Variants in RIPOR2 observed in about 807,000 individuals in gnomAD.
The protein encoded by RIPOR2 is RHO family interacting cell polarization regulator 2.
Under a neutral mutation model 114.5 loss-of-function variants are expected in RIPOR2, and 39 were observed. That is an observed-to-expected ratio of 0.34 (90% CI 0.26 to 0.44). The LOEUF (loss-of-function observed/expected upper bound fraction) is 0.44. Ranked by LOEUF, RIPOR2 falls within the 20% of genes least tolerant of loss-of-function variation. The probability of loss-of-function intolerance (pLI) is 1.00; values close to 1 mark genes in which losing one functional copy is unlikely to be tolerated. For missense variants in RIPOR2, 1,007 were observed against 1,255.1 expected, an observed-to-expected ratio of 0.80 and a Z score of 2.99; for synonymous variants, 445 against 484.4, an observed-to-expected ratio of 0.92 and a Z score of 1.07.
At chr6:24,839,416 A>C (rs1761418160) in intron 13 of RIPOR2, 144 bp from the exon 14 acceptor site, 1 of 1,433,176 alleles carries the variant, frequency 7.0e-7, no homozygotes, top group Admixed American at 2.8e-5. Flanking sequence ...GCATTTAAAA[A>C]TCTTTATATC....
intron 1 of RIPOR2, among the ~76,000 whole-genome samples, chr6:24,895,453 T>TC (rs1248880362): frequency 4.7e-4 from 48 of 102,842 alleles, no homozygotes; most frequent in African/African-American, 3.1e-3. Context: ...AAAAAAAAAA[T>TC]CTTCTAGGGT....
chr6:24,939,245 T>C (rs1431057441), upstream of RIPOR2, among the ~76,000 whole-genome samples: 4 of 152,338 alleles, frequency 2.6e-5, no homozygotes, highest in South Asian at 2.1e-4. Flanking sequence ...CTATCTCTTA[T>C]CTATGTAAAG....
At chr6:24,937,410 G>A (rs2114167981), upstream of RIPOR2, among the ~76,000 whole-genome samples, 1 of 152,296 alleles carries the variant, frequency 6.6e-6, no homozygotes, top group Admixed American at 6.5e-5. Context: ...TGCCCACCTT[G>A]AGACACACTG....
chr6:24,913,327 A>G (rs1217202516), intron 1 of RIPOR2, among the ~76,000 whole-genome samples: 1 of 152,202 alleles, frequency 6.6e-6, no homozygotes, highest in Non-Finnish European at 1.5e-5. Flanking sequence ...AGTGGGCTGC[A>G]TCTCCCCTTG....
At chr6:25,001,691 T>C (rs1775329146) in intron 1 of RIPOR2, among the ~76,000 whole-genome samples, 1 of 146,854 alleles carries the variant, frequency 6.8e-6, no homozygotes, top group Non-Finnish European at 1.5e-5. Context: ...ACTTTCTTTT[T>C]CCTTTCTTTC....
chr6:24,960,393 C>A (rs1397078426), intron 1 of RIPOR2, among the ~76,000 whole-genome samples: 1 of 152,178 alleles, frequency 6.6e-6, no homozygotes, highest in African/African-American at 2.4e-5. Flanking sequence ...TTCTCTCCAG[C>A]CCTTTTATAA....
chr6:24,896,616 A>C (rs1767911856), intron 1 of RIPOR2, among the ~76,000 whole-genome samples: 1 of 152,208 alleles, frequency 6.6e-6, no homozygotes, highest in African/African-American at 2.4e-5. Context: ...CTTCCTATTA[A>C]AAAATAGGCT....
chr6:25,004,570 G>A (rs1001791665), intron 1 of RIPOR2, among the ~76,000 whole-genome samples: 2 of 152,184 alleles, frequency 1.3e-5, no homozygotes, highest in Admixed American at 1.3e-4. Context: ...ACAGTAGCCA[G>A]CATCAGGACT....
intron 14 of RIPOR2, among the ~76,000 whole-genome samples, chr6:24,838,760 CT>C (rs1761342086): frequency 6.6e-6 from 1 of 152,106 alleles, no homozygotes; most frequent in South Asian, 2.1e-4. Flanking sequence ...CACCACTGCA[CT>C]CCAGCCTGGG....
chr6:24,872,873 G>A lies in RIPOR2; in HGVS notation c.423+8C>T, dbSNP rs759738541. On this transcript the variant is annotated splice_region_variant and intron_variant, in intron 4 of 21. Coordinates refer to ENST00000643898, the MANE Select transcript of RIPOR2 (RefSeq NM_001286445.3). ...GTGTTAACATCATAATGACTGCATA[G>A]TACCTACCAGGCGAGAGTTTCTTTT... 1.3e-6 allele frequency: 2 copies of A among 1,584,238 alleles called. No individual in the cohort carries two copies. Among genetic ancestry groups the A allele is most frequent in the Non-Finnish European group, 8.7e-7 (1 of 1,154,586 alleles).
chr6:24,842,516 C>A (rs754084623), intron 13 of RIPOR2, among the ~76,000 whole-genome samples: 3 of 152,158 alleles, frequency 2.0e-5, no homozygotes, highest in Non-Finnish European at 2.9e-5. Context: ...CTTTCCCGAC[C>A]CCCTGAGAGG....
chr6:24,853,890 A>C (rs2113795497), intron 8 of RIPOR2, among the ~76,000 whole-genome samples: 1 of 152,222 alleles, frequency 6.6e-6, no homozygotes, highest in Middle Eastern at 3.4e-3. Flanking sequence ...CCAAGGCAGG[A>C]GGATGACTTG....
Position 24,964,207 on chromosome 6 carries a change from G to A in RIPOR2, c.76+77644C>T, listed in dbSNP as rs373883719. On this transcript the variant is annotated intron_variant, in intron 1 of 13. Transcript: ENST00000510784. ...TCTTTGCCATTTCACCAGATGCGTA[G>A]GTCCCTGTAACTACCATCACAATTG... Among the ~76,000 whole-genome samples, 13 of 148,590 alleles carry A rather than the reference G, an allele frequency of 8.7e-5. No homozygotes were observed. The South Asian group carries it at 2.3e-3, about 27-fold the overall frequency.
chr6:24,823,979 A>G (rs566275461), intron 19 of RIPOR2, among the ~76,000 whole-genome samples: 3 of 152,014 alleles, frequency 2.0e-5, no homozygotes, highest in Non-Finnish European at 4.4e-5. Context: ...CTGGTCTCAA[A>G]CTCCTGACCT....
At chr6:24,940,621 T>C (rs9467354), upstream of RIPOR2, among the ~76,000 whole-genome samples, 90,807 of 151,998 alleles carry the variant, frequency 0.6, 27,655 homozygotes, top group Middle Eastern at 0.67. Flanking sequence ...TAAAATGCCA[T>C]GTCTAAAGAG....
At chr6:24,922,351 T>C (rs1770557167) in intron 1 of RIPOR2, among the ~76,000 whole-genome samples, 2 of 152,182 alleles carry the variant, frequency 1.3e-5, no homozygotes, top group Non-Finnish European at 1.5e-5. Context: ...CATACGCTGT[T>C]ATAAAGGAAA....
intron 1 of RIPOR2, among the ~76,000 whole-genome samples, chr6:24,909,536 A>G (rs7759433): frequency 0.025 from 3,736 of 152,210 alleles, 150 homozygotes; most frequent in African/African-American, 0.081. Context: ...CTCTCAGAGC[A>G]AGACAGACCC....
chr6:24,963,547 A>C lies in RIPOR2; in HGVS notation c.76+78304T>G, dbSNP rs534309946. On this transcript the variant is annotated intron_variant, in intron 1 of 13. Transcript: ENST00000510784. ...TCATGAAATGGACACATATATGTAC[A>C]TAAGTACACATATATACATATACAC... Among the ~76,000 whole-genome samples, 59 of 152,376 alleles carry C rather than the reference A, an allele frequency of 3.9e-4. 1 individual carries two copies. Among genetic ancestry groups the C allele is most frequent in the Non-Finnish European group, 6.8e-4 (46 of 68,038 alleles).
At position 24,865,096 on chromosome 6, in the gene RIPOR2, T is replaced by C. The variant is rs35557721; in HGVS notation, c.651+205A>G. 0.11 allele frequency among the ~76,000 whole-genome samples: 17,229 copies of C among 152,252 alleles called. 1,152 individuals are homozygous for C. Among genetic ancestry groups the C allele is most frequent in the Non-Finnish European group, 0.15 (10,232 of 68,004 alleles). On this transcript the variant is annotated intron_variant, in intron 7 of 21. Coordinates refer to ENST00000643898, the MANE Select transcript of RIPOR2 (RefSeq NM_001286445.3). The stretch of plus-strand genomic sequence containing the variant: ...TTGAATAACTAGGACTACAGGCACA[T>C]GCCGCCACTCCCAGCTTATTCATTC...
Sources: allele counts gnomAD v4.1 joint callset (sites outside exome capture counted in the v4.1 genomes callset), GRCh38; gene constraint gnomAD v4.1.1; transcripts MANE v1.5; gene names NCBI Gene and HGNC (gene_info 2026-07-23, HGNC 2026-07-21).